The following VGLL4 variants were observed in gnomAD, a reference collection of about 807,000 sequenced individuals.
The protein encoded by VGLL4 is transcription cofactor vestigial-like protein 4.
In VGLL4, 7 loss-of-function variants were observed where a neutral mutation model predicts 21.0. That is an observed-to-expected ratio of 0.33 (90% CI 0.19 to 0.63). VGLL4 has a LOEUF of 0.63. Ranked by LOEUF, VGLL4 falls within the 20% of genes least tolerant of loss-of-function variation. VGLL4 has a pLI of 0.78. For missense variants in VGLL4, 394 were observed against 425.7 expected, an observed-to-expected ratio of 0.93 and a Z score of 0.66; for synonymous variants, 222 against 173.2, an observed-to-expected ratio of 1.28 and a Z score of -2.21.
At position 11,558,197 on chromosome 3, in the gene VGLL4, G is replaced by A. The variant is rs1209116838; in HGVS notation, c.*359C>T. 1.5e-5 allele frequency: 5 copies of A among 323,320 alleles called. No individual in the cohort carries two copies. The highest frequency in any genetic ancestry group is 2.9e-5 in the Non-Finnish European group (5 of 174,858). 20.0% of individuals were successfully genotyped at this position (323,320 alleles called of 1,614,324 possible). ...CAAGAAGCAAAGGAAAAAGCACAAA[G>A]CGTCTGAGTCACCAATTCATCATGG... On this transcript the variant is annotated 3_prime_UTR_variant, in exon 5 of 5. Transcript: ENST00000430365.
rs891689114 is a variant in VGLL4 at position 11,558,845 on chromosome 3, G to A, written c.620-18C>T. 1 of 1,608,232 alleles carries A rather than the reference G, an allele frequency of 6.2e-7. No individual in the cohort carries two copies. The highest frequency in any genetic ancestry group is 1.1e-5 in the South Asian group (1 of 90,984). ...GGTGGCAGCTGCAGGCAAGCAGGAA[G>A]GCAGGCAGTCAGACACAGGTGGCTG... On this transcript the variant is annotated intron_variant, in intron 4 of 4. Coordinates refer to ENST00000430365, the MANE Select transcript of VGLL4 (RefSeq NM_001128219.3).
chr3:11,658,420 G>A (rs1324674469), intron 2 of VGLL4, among the ~76,000 whole-genome samples: 1 of 151,884 alleles, frequency 6.6e-6, no homozygotes, highest in East Asian at 1.9e-4. Context: ...CAAAGGAAAG[G>A]TACACCAACA....
intron 1 of VGLL4, among the ~76,000 whole-genome samples, chr3:11,612,864 TCTTAAAGC>T (rs2075089376): frequency 6.6e-6 from 1 of 152,212 alleles, no homozygotes; most frequent in South Asian, 2.1e-4. Context: ...TGGAAAAGGC[TCTTAAAGC>T]CTGGCAGAAA....
chr3:11,648,843 T>A (rs2075830355), upstream of VGLL4, among the ~76,000 whole-genome samples: 1 of 152,178 alleles, frequency 6.6e-6, no homozygotes, highest in Non-Finnish European at 1.5e-5. Flanking sequence ...AGCTACCAAT[T>A]TAACAAAAAG....
intron 1 of VGLL4, among the ~76,000 whole-genome samples, chr3:11,606,943 G>C (rs1456058816): frequency 1.3e-5 from 2 of 152,160 alleles, no homozygotes; most frequent in Middle Eastern, 3.2e-3. Flanking sequence ...AAGGTCCCCA[G>C]CTTCATTCTT....
At chr3:11,659,678 G>A (rs1461658577) in intron 2 of VGLL4, among the ~76,000 whole-genome samples, 1 of 150,658 alleles carries the variant, frequency 6.6e-6, no homozygotes, top group Non-Finnish European at 1.5e-5. Context: ...TAAAAAAAGT[G>A]GCATTGGCAT....
chr3:11,626,392 T>C (rs1559908252), intron 1 of VGLL4: 3 of 456,948 alleles, frequency 6.6e-6, no homozygotes, highest in South Asian at 3.1e-5. Context: ...TGCCACTCTT[T>C]TCTTCAAGTC....
intron 1 of VGLL4, among the ~76,000 whole-genome samples, chr3:11,641,856 C>G (rs774112692): frequency 6.6e-6 from 1 of 152,078 alleles, no homozygotes; most frequent in African/African-American, 2.4e-5. Flanking sequence ...CCTCACCAAT[C>G]GGAGACAGGA....
At position 11,643,751 on chromosome 3, in the gene VGLL4, T is replaced by G; in HGVS notation, c.-233A>C. ...TTACTGGTAGACGGTGTATGTACTG[T>G]ATCCCCGATCGAGTATGAAAACAGC... On this transcript the variant is annotated 5_prime_UTR_variant, in exon 1 of 5. Transcript: ENST00000430365. 7.9e-7 allele frequency: 1 copy of G among 1,265,646 alleles called. No homozygotes were observed. Among genetic ancestry groups the G allele is most frequent in the Non-Finnish European group, 1.0e-6 (1 of 1,004,270 alleles). The allele number at this position is 1,265,646 out of a possible 1,614,324, so 78.4% of individuals were successfully genotyped here.
At chr3:11,577,390 A>T (rs1259417824) in intron 2 of VGLL4, among the ~76,000 whole-genome samples, 1 of 152,190 alleles carries the variant, frequency 6.6e-6, no homozygotes, top group Admixed American at 6.5e-5. Context: ...TGAGGCCAGG[A>T]GTTCAAGACC....
At chr3:11,715,278 GAC>G (rs2076904745) in intron 1 of VGLL4, among the ~76,000 whole-genome samples, 3 of 152,228 alleles carry the variant, frequency 2.0e-5, no homozygotes, top group African/African-American at 7.2e-5. Flanking sequence ...TCTAATTAAT[GAC>G]ACAGTGCAAC....
At chr3:11,711,561 A>G (rs1456125931) in intron 1 of VGLL4, among the ~76,000 whole-genome samples, 1 of 151,046 alleles carries the variant, frequency 6.6e-6, no homozygotes, top group African/African-American at 2.4e-5. Flanking sequence ...CTCAAAAAAA[A>G]AAAAAATTAG....
intron 2 of VGLL4, among the ~76,000 whole-genome samples, chr3:11,581,010 C>A (rs2125223939): frequency 6.6e-6 from 1 of 150,978 alleles, no homozygotes; most frequent in Admixed American, 6.6e-5. Context: ...TACAGTGTTA[C>A]AAAGTGCTTT....
At chr3:11,643,351 G>A (rs2075732454) in intron 1 of VGLL4, 86 bp downstream of exon 1, 3 of 1,604,030 alleles carry the variant, frequency 1.9e-6, no homozygotes, top group Non-Finnish European at 2.6e-6. Flanking sequence ...GGAGGACAGC[G>A]GGCGCTTAGA....
rs80139179 is a variant in VGLL4, at chr3:11,585,445, A to C, written c.272+16388T>G. Among the ~76,000 whole-genome samples the C allele has an allele frequency of 4.6e-5, 7 of 150,994 alleles. 1 individual carries two copies. Among genetic ancestry groups the C allele is most frequent in the African/African-American group, 1.2e-4 (5 of 40,980 alleles). The stretch of plus-strand genomic sequence containing the variant: ...GAGATTCCATCTTAAAAAAAAAAAA[A>C]AGAGAGAGAGAGAGGGAGAGAGACT... On this transcript the variant is annotated intron_variant, in intron 2 of 4. Transcript: ENST00000430365.
At chr3:11,593,921 G>C (rs2074569424) in intron 2 of VGLL4, among the ~76,000 whole-genome samples, 1 of 152,210 alleles carries the variant, frequency 6.6e-6, no homozygotes, top group African/African-American at 2.4e-5. Flanking sequence ...GGAGCACAAG[G>C]CTAGTGACCA....
At chr3:11,600,114 A>C (rs572403986) in intron 2 of VGLL4, among the ~76,000 whole-genome samples, 1 of 152,264 alleles carries the variant, frequency 6.6e-6, no homozygotes. Flanking sequence ...AACAACCCCC[A>C]TCAACAAAGT....
intron 2 of VGLL4, among the ~76,000 whole-genome samples, chr3:11,571,707 C>T (rs998464209): frequency 1.3e-5 from 2 of 152,184 alleles, no homozygotes; most frequent in Non-Finnish European, 2.9e-5. Context: ...GGTAGTGTCC[C>T]TCTTTTTGCT....
chr3:11,675,308 T>C, intron 2 of VGLL4, among the ~76,000 whole-genome samples: 1 of 152,002 alleles, frequency 6.6e-6, no homozygotes, highest in East Asian at 1.9e-4. Flanking sequence ...TGCCACTCAC[T>C]GCACTCCAGC....
Sources: gnomAD v4.1 joint callset for allele counts (sites outside exome capture counted in the v4.1 genomes callset) on GRCh38, gnomAD v4.1.1 for gene constraint, MANE v1.5 for transcripts, NCBI Gene and HGNC (gene_info 2026-07-23, HGNC 2026-07-21) for gene names.